The following GRIA1 variants were observed in gnomAD, a reference collection of about 807,000 sequenced individuals.
The protein encoded by GRIA1 is glutamate ionotropic receptor AMPA type subunit 1, also known as glutamate receptor 1.
GRIA1 carries 31 observed loss-of-function variants against 99.2 expected under a neutral mutation model. The observed-to-expected ratio is 0.31, with a 90% confidence interval of 0.23 to 0.42. The LOEUF (loss-of-function observed/expected upper bound fraction) is 0.42. Ranked by LOEUF, GRIA1 falls within the 10% of genes least tolerant of loss-of-function variation. The pLI is 1.00. For synonymous variants in GRIA1, 438 were observed against 432.4 expected (o/e 1.01, Z -0.16); for missense variants, 782 against 1,157.5 (o/e 0.68, Z 4.71).
chr5:153,563,409 GTTCTT>G (rs1361863798), intron 2 of GRIA1, among the ~76,000 whole-genome samples: 1 of 152,120 alleles, frequency 6.6e-6, no homozygotes, highest in Non-Finnish European at 1.5e-5. Flanking sequence ...AGAAACAACT[GTTCTT>G]TTCTTTTCTT....
At chr5:153,652,946 T>C (rs1754681782) in intron 4 of GRIA1, among the ~76,000 whole-genome samples, 1 of 152,180 alleles carries the variant, frequency 6.6e-6, no homozygotes, top group Non-Finnish European at 1.5e-5. Context: ...TTACATTCAG[T>C]AACTGCATAC....
intron 13 of GRIA1, among the ~76,000 whole-genome samples, chr5:153,778,192 AGTGTGTGTGTGT>A (rs61414750): frequency 1.3e-4 from 5 of 37,308 alleles, no homozygotes; most frequent in African/African-American, 5.9e-4. Context: ...AGAGAGAGAG[AGTGTGTGTGTGT>A]GTGTGTGTGT....
intron 2 of GRIA1, among the ~76,000 whole-genome samples, chr5:153,580,291 G>T (rs939771584): frequency 6.6e-6 from 1 of 152,200 alleles, no homozygotes; most frequent in Admixed American, 6.5e-5. Flanking sequence ...CTGACCTCGA[G>T]CCTGACATGC....
At chr5:153,544,989 A>G (rs2113510588) in intron 2 of GRIA1, among the ~76,000 whole-genome samples, 2 of 152,302 alleles carry the variant, frequency 1.3e-5, no homozygotes, top group Admixed American at 1.3e-4. Flanking sequence ...ATTTTTTTCT[A>G]ACCTTTAGCT....
At chr5:153,492,753 G>A (rs1358386428) in intron 1 of GRIA1, among the ~76,000 whole-genome samples, 1 of 151,674 alleles carries the variant, frequency 6.6e-6, no homozygotes, top group Non-Finnish European at 1.5e-5. Context: ...CCCTAACTTG[G>A]TTGTTCAACT....
At chr5:153,648,635 A>G (rs527526811) in intron 3 of GRIA1, among the ~76,000 whole-genome samples, 1 of 152,358 alleles carries the variant, frequency 6.6e-6, no homozygotes, top group South Asian at 2.1e-4. Context: ...GTTGGTCTCA[A>G]ACTCACCAAA....
At chr5:153,787,713 T>C (rs2964031) in intron 13 of GRIA1, among the ~76,000 whole-genome samples, 45,778 of 152,034 alleles carry the variant, frequency 0.3, 9,183 homozygotes, top group East Asian at 0.91. Flanking sequence ...TATTAGTCAA[T>C]TTATAAACTC....
chr5:153,747,833 A>G (rs1455168269), intron 11 of GRIA1, among the ~76,000 whole-genome samples: 1 of 152,212 alleles, frequency 6.6e-6, no homozygotes, highest in Non-Finnish European at 1.5e-5. Context: ...GTGACCATCC[A>G]TGCTGTTCAC....
At chr5:153,647,249 T>C (rs1256016888) in intron 3 of GRIA1, 82 bp downstream of exon 3, 1 of 1,474,268 alleles carries the variant, frequency 6.8e-7, no homozygotes, top group Non-Finnish European at 9.2e-7. Context: ...GCCTCACTGC[T>C]TCCCTGAAAA....
At chr5:153,729,498 G>A (rs940298460) in intron 11 of GRIA1, among the ~76,000 whole-genome samples, 3 of 152,074 alleles carry the variant, frequency 2.0e-5, no homozygotes, top group Non-Finnish European at 4.4e-5. Context: ...AGTAAAGAGT[G>A]TGTTGGGGCA....
In GRIA1 at chr5:153,758,124, A is replaced by G. The variant is rs115011277; in HGVS notation, c.1824-6310A>G. Among the ~76,000 whole-genome samples the G allele has an allele frequency of 6.1e-3, 923 of 152,210 alleles. 10 individuals are homozygous for G. Among genetic ancestry groups the G allele is most frequent in the African/African-American group, 0.021 (882 of 41,576 alleles). The stretch of plus-strand genomic sequence containing the variant: ...GTGAAAATCTCTTAATCACAAAGAA[A>G]AACAGCAAGAAAGAACAGAATTAAA... On this transcript the variant is annotated intron_variant, in intron 11 of 15. Transcript: ENST00000285900.
intron 2 of GRIA1, among the ~76,000 whole-genome samples, chr5:153,585,195 C>T (rs148394958): frequency 6.6e-6 from 1 of 151,994 alleles, no homozygotes; most frequent in Non-Finnish European, 1.5e-5. Flanking sequence ...TGCCTTGGCA[C>T]CAAAGCTCTA....
intron 2 of GRIA1, among the ~76,000 whole-genome samples, chr5:153,515,262 G>A (rs1228299675): frequency 2.0e-5 from 3 of 152,052 alleles, no homozygotes; most frequent in African/African-American, 4.8e-5. Flanking sequence ...AAAAAATGTG[G>A]TATTGCTACA....
intron 2 of GRIA1, among the ~76,000 whole-genome samples, chr5:153,563,406 A>ACTGTT (rs1445181807): frequency 6.6e-6 from 1 of 152,162 alleles, no homozygotes; most frequent in African/African-American, 2.4e-5. Flanking sequence ...TTCAGAAACA[A>ACTGTT]CTGTTCTTTT....
chr5:153,560,560 T>C (rs192847439), intron 2 of GRIA1, among the ~76,000 whole-genome samples: 2 of 152,326 alleles, frequency 1.3e-5, no homozygotes, highest in South Asian at 2.1e-4. Context: ...GATGGTTTTA[T>C]AAAGGGCAGT....
chr5:153,568,850 C>T (rs1252543189), intron 2 of GRIA1, among the ~76,000 whole-genome samples: 2 of 152,102 alleles, frequency 1.3e-5, no homozygotes, highest in Non-Finnish European at 2.9e-5. Context: ...ACTTTGAAGG[C>T]CTTCTATATC....
intron 11 of GRIA1, among the ~76,000 whole-genome samples, chr5:153,719,762 A>G (rs1397055114): frequency 6.6e-6 from 1 of 152,066 alleles, no homozygotes; most frequent in African/African-American, 2.4e-5. Flanking sequence ...AAGGTGTGGA[A>G]TGGAGGGGGT....
At chr5:153,555,347 C>A (rs1215553295) in intron 2 of GRIA1, among the ~76,000 whole-genome samples, 1 of 151,682 alleles carries the variant, frequency 6.6e-6, no homozygotes, top group Non-Finnish European at 1.5e-5. Flanking sequence ...AATTCCATTT[C>A]ATTTTTCGCG....
chr5:153,771,063 T>C (rs1435609447), intron 13 of GRIA1, among the ~76,000 whole-genome samples: 3 of 152,198 alleles, frequency 2.0e-5, no homozygotes, highest in African/African-American at 7.2e-5. Context: ...AAGAGTCCTG[T>C]AGACATGGAG....
Sources: allele counts gnomAD v4.1 joint callset (sites outside exome capture counted in the v4.1 genomes callset), GRCh38; gene constraint gnomAD v4.1.1; transcripts MANE v1.5; gene names NCBI Gene and HGNC (gene_info 2026-07-23, HGNC 2026-07-21).